The following ARB2A variants were observed in gnomAD, a reference collection of about 807,000 sequenced individuals.
ARB2A encodes ARB2 cotranscriptional regulator A, also known as cotranscriptional regulator ARB2A.
At chr5:93,792,884 C>T in the ARB2A span, among the ~76,000 whole-genome samples, 150 of 152,006 alleles carry the variant, frequency 9.9e-4, 2 homozygotes, top group Non-Finnish European at 1.4e-3. Context: ...ATACATTCCA[C>T]AGAGACCCTT....
At chr5:93,621,174 C>G in the ARB2A span, 1 of 1,544,918 alleles carries the variant, frequency 6.5e-7, no homozygotes, top group Non-Finnish European at 8.7e-7. Context: ...CACGCGGGGC[C>G]AGGCGCGGTG....
the ARB2A span, among the ~76,000 whole-genome samples, chr5:93,924,604 T>C: frequency 6.6e-6 from 1 of 152,080 alleles, no homozygotes; most frequent in Non-Finnish European, 1.5e-5. Flanking sequence ...GTTTTCAGGA[T>C]GGCAGAAGAT....
the ARB2A span, chr5:93,619,621 TCTC>T: frequency 6.6e-6 from 1 of 152,238 alleles, no homozygotes; most frequent in African/African-American, 2.4e-5. Context: ...AAATTTATGT[TCTC>T]ATCTATTAGA....
At chr5:93,724,203 A>G in the ARB2A span, among the ~76,000 whole-genome samples, 1 of 152,014 alleles carries the variant, frequency 6.6e-6, no homozygotes, top group African/African-American at 2.4e-5. Context: ...GTTAAGAAAT[A>G]TATTAACAAA....
chr5:93,882,493 A>T, the ARB2A span, among the ~76,000 whole-genome samples: 2,163 of 149,056 alleles, frequency 0.015, 45 homozygotes, highest in African/African-American at 0.042. Flanking sequence ...TTTTTTTTTT[A>T]AATTTGTAAA....
chr5:93,683,243 G>A, the ARB2A span: 3 of 1,468,790 alleles, frequency 2.0e-6, no homozygotes, highest in Non-Finnish European at 1.9e-6. Context: ...TTCATCAGCA[G>A]CAAGTTTTAC....
the ARB2A span, among the ~76,000 whole-genome samples, chr5:93,820,415 T>C: frequency 2.6e-5 from 4 of 152,184 alleles, no homozygotes; most frequent in African/African-American, 9.6e-5. Context: ...CACTTCATCA[T>C]AGTAGCTGGA....
chr5:94,060,956 C>T, the ARB2A span, among the ~76,000 whole-genome samples: 1 of 152,112 alleles, frequency 6.6e-6, no homozygotes. Flanking sequence ...ATTCAACACT[C>T]GGCCAGGTGC....
the ARB2A span, among the ~76,000 whole-genome samples, chr5:93,845,767 G>C: frequency 6.6e-6 from 1 of 152,196 alleles, no homozygotes; most frequent in Admixed American, 6.5e-5. Flanking sequence ...GTGTGTGTTG[G>C]AGGGGGCGTA....
the ARB2A span, chr5:93,620,453 G>C: frequency 6.6e-6 from 1 of 151,412 alleles, no homozygotes; most frequent in Non-Finnish European, 1.5e-5. Flanking sequence ...ATCGGCTTTG[G>C]AGTGTGTGTG....
At chr5:93,957,894 TTACTTTTTACAAAAGTCTTTTTACAAAA>T in the ARB2A span, among the ~76,000 whole-genome samples, 1 of 152,080 alleles carries the variant, frequency 6.6e-6, no homozygotes, top group Non-Finnish European at 1.5e-5. Flanking sequence ...ATATATTCCT[TTACTTTTTACAAAAGTCTTTTTACAAAA>T]GACTTTTTAC....
At chr5:93,995,429 A>C in the ARB2A span, among the ~76,000 whole-genome samples, 1 of 152,244 alleles carries the variant, frequency 6.6e-6, no homozygotes, top group Non-Finnish European at 1.5e-5. Context: ...CAAGAAGCAG[A>C]GAAGTCATAA....
chr5:93,625,361 C>T, the ARB2A span, among the ~76,000 whole-genome samples: 1 of 152,072 alleles, frequency 6.6e-6, no homozygotes, highest in African/African-American at 2.4e-5. Flanking sequence ...CAAAGGTCAG[C>T]TTAAATAAAA....
chr5:93,960,254 A>C, the ARB2A span, among the ~76,000 whole-genome samples: 1 of 152,174 alleles, frequency 6.6e-6, no homozygotes, highest in African/African-American at 2.4e-5. Context: ...CAAAAATGGC[A>C]ATTATTTCAG....
At chr5:93,831,950 T>C in the ARB2A span, among the ~76,000 whole-genome samples, 1 of 152,234 alleles carries the variant, frequency 6.6e-6, no homozygotes, top group East Asian at 1.9e-4. Flanking sequence ...AACCAAATAT[T>C]CTAAAAAGTG....
chr5:93,784,596 A>G, the ARB2A span: 1 of 840,384 alleles, frequency 1.2e-6, no homozygotes, highest in Non-Finnish European at 1.9e-6. Flanking sequence ...TATATTAACA[A>G]TGAAAAAGCA....
the ARB2A span, among the ~76,000 whole-genome samples, chr5:93,884,086 A>C: frequency 1.3e-5 from 2 of 151,636 alleles, no homozygotes; most frequent in East Asian, 3.9e-4. Context: ...CAAATTCAAA[A>C]ACTTCACTCA....
chr5:93,936,267 CTCTCT>C, the ARB2A span, among the ~76,000 whole-genome samples: 5 of 152,032 alleles, frequency 3.3e-5, no homozygotes, highest in African/African-American at 9.7e-5. Context: ...TGGGTATATC[CTCTCT>C]TAAGAAAAAA....
At chr5:93,932,822 T>G in the ARB2A span, among the ~76,000 whole-genome samples, 1 of 152,320 alleles carries the variant, frequency 6.6e-6, no homozygotes, top group East Asian at 1.9e-4. Flanking sequence ...TCTCTGGTTT[T>G]AAGGGTTTTA....
Sources: allele counts gnomAD v4.1 joint callset (sites outside exome capture counted in the v4.1 genomes callset), GRCh38; gene constraint gnomAD v4.1.1; transcripts MANE v1.5; gene names NCBI Gene and HGNC (gene_info 2026-07-23, HGNC 2026-07-21).